PSMD1: variants seen among roughly 807,000 people sequenced by gnomAD.
PSMD1 encodes the protein 26S proteasome non-ATPase regulatory subunit 1.
In PSMD1, 18 loss-of-function variants were observed where a neutral mutation model predicts 119.0. The ratio of observed to expected loss-of-function variants is 0.15; its 90% CI spans 0.10 to 0.22. The LOEUF (loss-of-function observed/expected upper bound fraction) is 0.22. Among genes scored for constraint, PSMD1 ranks in the 10% least tolerant of loss-of-function variants. The pLI, the probability that PSMD1 is intolerant of heterozygous loss-of-function variation, is 1.00. For missense variants in PSMD1, 702 were observed against 1,158.5 expected, an observed-to-expected ratio of 0.61 and a Z score of 5.72; for synonymous variants, 374 against 396.6, an observed-to-expected ratio of 0.94 and a Z score of 0.68.
rs143534193 is a variant in PSMD1 at position 231,077,142 on chromosome 2, A to G, written c.1051A>G (p.Met351Val). ...FLIRNNNTDL[M>V]ILKNTKDAVR... Reference sequence around the variant, plus strand: ...AATACGAAACAATAATACAGACCTCATGATTCTAAAAAACACAAAGGTAAG... The same window carrying G: ...AATACGAAACAATAATACAGACCTCGTGATTCTAAAAAACACAAAGGTAAG... Residue 351 changes from methionine to valine, a missense_variant, in exon 9 of 25, where the codon ATG becomes GTG. Coordinates refer to ENST00000308696, the MANE Select transcript of PSMD1 (RefSeq NM_002807.4). 204 of 1,539,320 alleles carry G rather than the reference A, an allele frequency of 1.3e-4. No homozygotes were observed. Among genetic ancestry groups the G allele is most frequent in the Non-Finnish European group, 1.6e-4 (186 of 1,139,584 alleles).
Position 231,085,190 on chromosome 2 carries a change from C to T in PSMD1, c.1818+76C>T, listed in dbSNP as rs1574717185. 5.0e-6 allele frequency: 6 copies of T among 1,207,098 alleles called. No homozygotes were observed. The East Asian group carries it at 1.4e-4, about 29-fold the overall frequency. The allele number at this position is 1,207,098 out of a possible 1,614,324, so 74.8% of individuals were successfully genotyped here. On this transcript the variant is annotated intron_variant, in intron 15 of 24. Coordinates refer to ENST00000308696, the MANE Select transcript of PSMD1 (RefSeq NM_002807.4). Reference sequence around the variant, plus strand: ...ATGGACAATAAGTGTCTAGGTGACTCCAGCATCCACAGCGCATGACCACCA... The same window carrying T: ...ATGGACAATAAGTGTCTAGGTGACTTCAGCATCCACAGCGCATGACCACCA...
chr2:231,093,905 G>A (rs1191880956), intron 16 of PSMD1, among the ~76,000 whole-genome samples: 1 of 152,112 alleles, frequency 6.6e-6, no homozygotes, highest in Non-Finnish European at 1.5e-5. Context: ...GCATAAGCCA[G>A]ACCATTATCA....
intron 16 of PSMD1, among the ~76,000 whole-genome samples, chr2:231,121,044 A>G (rs1220056613): frequency 2.0e-5 from 3 of 152,226 alleles, no homozygotes; most frequent in African/African-American, 7.2e-5. Context: ...AGTTTGTTAG[A>G]GGGCAACATG....
Position 231,082,966 on chromosome 2 carries a change from A to G in PSMD1, c.1497A>G (p.Thr499=). 6.2e-7 allele frequency: 1 copy of G among 1,614,022 alleles called. No individual in the cohort carries two copies. Among genetic ancestry groups the G allele is most frequent in the Non-Finnish European group, 8.5e-7 (1 of 1,179,864 alleles). ...ARQDVYDLLK[T]NLYQDDAVTG... ...AAGATGTTTATGATTTGCTAAAAAC[A>G]AACCTTTATCAGGATGATGCAGTAA... The change falls in exon 13 of 25, where the codon ACA becomes ACG. Residue 499 remains threonine, a synonymous_variant. Transcript: ENST00000308696.
At chr2:231,060,257 T>C (rs1693722664) in intron 1 of PSMD1, 1 of 152,246 alleles carries the variant, frequency 6.6e-6, no homozygotes, top group Non-Finnish European at 1.5e-5. Flanking sequence ...TCTGCTTTTA[T>C]GCTACTTTAG....
chr2:231,116,624 A>G (rs1456929752), intron 16 of PSMD1, among the ~76,000 whole-genome samples: 2 of 151,186 alleles, frequency 1.3e-5, no homozygotes, highest in Admixed American at 1.3e-4. Flanking sequence ...ACATACTCCT[A>G]ATTGTGGGCT....
intron 19 of PSMD1, among the ~76,000 whole-genome samples, chr2:231,159,797 A>T (rs1241916453): frequency 2.0e-5 from 3 of 152,176 alleles, no homozygotes; most frequent in African/African-American, 7.2e-5. Context: ...CATGGAAGAC[A>T]ATTTTTTTTT....
intron 16 of PSMD1, among the ~76,000 whole-genome samples, chr2:231,134,212 G>GT (rs1398579615): frequency 3.3e-5 from 5 of 152,120 alleles, no homozygotes; most frequent in Non-Finnish European, 7.4e-5. Context: ...TTCTTTACAT[G>GT]ATAATTGTAT....
chr2:231,125,401 A>C (rs1329939526), intron 16 of PSMD1, among the ~76,000 whole-genome samples: 1 of 152,210 alleles, frequency 6.6e-6, no homozygotes, highest in Admixed American at 6.5e-5. Flanking sequence ...TCATTCTTTG[A>C]AGATTCTGCC....
intron 7 of PSMD1, among the ~76,000 whole-genome samples, chr2:231,073,721 A>G (rs1452381178): frequency 1.3e-5 from 2 of 151,920 alleles, no homozygotes; most frequent in African/African-American, 4.8e-5. Flanking sequence ...TCTTAAATTA[A>G]TGTTCTTATA....
intron 16 of PSMD1, chr2:231,108,523 A>G (rs777284253): frequency 3.1e-6 from 5 of 1,612,948 alleles, no homozygotes; most frequent in African/African-American, 2.7e-5. Flanking sequence ...TCTGCTATAC[A>G]TAACTAACTT....
At chr2:231,062,217 C>G in intron 2 of PSMD1, 31 bp from the exon 3 acceptor site, 1 of 1,494,888 alleles carries the variant, frequency 6.7e-7, no homozygotes, top group Admixed American at 1.7e-5. Flanking sequence ...ATAAGTCTAT[C>G]TCAAAATAGG....
chr2:231,133,548 C>T (rs189117363), intron 16 of PSMD1: 7 of 152,234 alleles, frequency 4.6e-5, no homozygotes, highest in Non-Finnish European at 7.3e-5. Flanking sequence ...TGAGCTGACC[C>T]CTTGATGTGT....
At chr2:231,166,649 A>G (rs1245752579) in intron 23 of PSMD1, among the ~76,000 whole-genome samples, 1 of 152,170 alleles carries the variant, frequency 6.6e-6, no homozygotes, top group Non-Finnish European at 1.5e-5. Context: ...TATGAGTGTG[A>G]TACTGCCTTT....
chr2:231,140,269 G>A (rs1696073578), intron 17 of PSMD1, among the ~76,000 whole-genome samples: 1 of 151,028 alleles, frequency 6.6e-6, no homozygotes, highest in African/African-American at 2.4e-5. Flanking sequence ...GCTGAGGTGG[G>A]CAGATCACGA....
chr2:231,139,124 GT>G (rs200942453), intron 17 of PSMD1: 11 of 441,866 alleles, frequency 2.5e-5, no homozygotes, highest in East Asian at 1.4e-4. Context: ...TTTTGTTTTT[GT>G]TTTTTTTGTT....
In PSMD1 at chr2:231,061,262, C is replaced by T; in HGVS notation, c.17-5C>T. The T allele has an allele frequency of 6.3e-7, 1 of 1,584,948 alleles. No homozygotes were observed. The highest frequency in any genetic ancestry group is 1.4e-5 in the African/African-American group (1 of 73,968). ...CATAATCATGTTACATCTTTTTTCTCATAGCTGGAATTATTTCTCTTCTGG... is the reference window on the plus strand; with the variant it reads ...CATAATCATGTTACATCTTTTTTCTTATAGCTGGAATTATTTCTCTTCTGG... On this transcript the variant is annotated splice_polypyrimidine_tract_variant and splice_region_variant and intron_variant, in intron 1 of 24. Transcript: ENST00000308696.
chr2:231,061,116 CT>C (rs1693746607), intron 1 of PSMD1, 150 bp from the exon 2 acceptor site: 8 of 561,656 alleles, frequency 1.4e-5, no homozygotes, highest in Non-Finnish European at 2.5e-5. Flanking sequence ...AGATATAAAC[CT>C]TTACACTTTC....
intron 16 of PSMD1, among the ~76,000 whole-genome samples, chr2:231,116,642 A>C (rs1409022632): frequency 6.7e-6 from 1 of 150,082 alleles, no homozygotes; most frequent in Non-Finnish European, 1.5e-5. Flanking sequence ...GCTAAGAAGG[A>C]AAGTTTTTTA....
Sources: gnomAD v4.1 joint callset for allele counts (sites outside exome capture counted in the v4.1 genomes callset) on GRCh38, gnomAD v4.1.1 for gene constraint, MANE v1.5 for transcripts, NCBI Gene and HGNC (gene_info 2026-07-23, HGNC 2026-07-21) for gene names.